The following PLA2G4F variants were observed in gnomAD, a reference collection of about 807,000 sequenced individuals.
The protein encoded by PLA2G4F is cytosolic phospholipase A2 zeta.
PLA2G4F carries 105 observed loss-of-function variants against 103.1 expected under a neutral mutation model. That is an observed-to-expected ratio of 1.02 (90% confidence interval 0.87 to 1.20). The LOEUF (loss-of-function observed/expected upper bound fraction) is 1.20, where lower values mean the gene tolerates loss of function less well. Ranked by LOEUF, PLA2G4F falls within the 50% of genes most tolerant of loss-of-function variation. The pLI, the probability that PLA2G4F is intolerant of heterozygous loss-of-function variation, is 0.00. For missense variants in PLA2G4F, 1,155 were observed against 1,075.9 expected, an observed-to-expected ratio of 1.07 and a Z score of -1.03; for synonymous variants, 468 against 441.1, an observed-to-expected ratio of 1.06 and a Z score of -0.76.
Position 42,147,926 on chromosome 15 carries a change from C to G in PLA2G4F, c.1060-164G>C, listed in dbSNP as rs112971502. The G allele has an allele frequency of 1.7e-3, 1,222 of 702,522 alleles. 17 individuals are homozygous for G. In the African/African-American group the frequency reaches 0.022, roughly 13 times the overall value. The allele number at this position is 702,522 out of a possible 1,614,324, so 43.5% of individuals were successfully genotyped here. On this transcript the variant is annotated intron_variant, in intron 11 of 19. Coordinates refer to ENST00000397272, the MANE Select transcript of PLA2G4F (RefSeq NM_213600.4). ...CCATTTTCAGCCAGGCACAGTGGCT[C>G]ACGCCTGTAATCCCAGCACTTCGGG...
Position 42,142,159 on chromosome 15 carries a change from A to T in PLA2G4F, c.2375T>A (p.Val792Asp), listed in dbSNP as rs778966730. 1 of 1,614,100 alleles carries T rather than the reference A, an allele frequency of 6.2e-7. No individual in the cohort carries two copies. Among genetic ancestry groups the T allele is most frequent in the Admixed American group, 1.7e-5 (1 of 60,014 alleles). ...TAEEKAFGDF[V>D]INRPDTPYGM... is the part of the protein sequence containing the mutation. Reference sequence around the variant, plus strand: ...ATAGGGGGTGTCTGGCCTGTTGATGACAAAGTCCCCAAAGGCCTTCTCCTC... The same window carrying T: ...ATAGGGGGTGTCTGGCCTGTTGATGTCAAAGTCCCCAAAGGCCTTCTCCTC... Residue 792 changes from valine to aspartate, a missense_variant, in exon 20 of 20, where the codon GTC becomes GAC. Transcript: ENST00000397272.
rs752722693 is a variant in PLA2G4F, at chr15:42,154,373, A to T, written c.270T>A (p.Ser90Arg). 6.2e-7 allele frequency: 1 copy of T among 1,612,134 alleles called. No homozygotes were observed. Among genetic ancestry groups the T allele is most frequent in the East Asian group, 2.2e-5 (1 of 44,820 alleles). ...GGAAGGTCTCATTCCACTCGGGGTC[A>T]CTGCAGTTGGCCACTATCCTAGTCT... ...PAQTRIVANC[S>R]DPEWNETFHY... The change falls in exon 3 of 20, where the codon AGT becomes AGA. Residue 90 changes from serine to arginine, a missense_variant. Around this residue, in one of 3 missense-constraint regions of PLA2G4F, gnomAD observed 370 missense variants for 364.9 expected, o/e 1.01. Coordinates refer to ENST00000397272, the MANE Select transcript of PLA2G4F (RefSeq NM_213600.4).
Position 42,150,184 on chromosome 15 carries a change from A to T in PLA2G4F, c.886-43T>A, listed in dbSNP as rs780516664. On this transcript the variant is annotated intron_variant, in intron 9 of 19. Coordinates refer to ENST00000397272, the MANE Select transcript of PLA2G4F (RefSeq NM_213600.4). ...CCCAACCCTGAGTTCTCTGGGCAGG[A>T]TTCTCCCAGGGAAATGGCTCCCCCA... is the stretch of plus-strand genomic sequence containing the variant. 11 of 1,612,896 alleles carry T rather than the reference A, an allele frequency of 6.8e-6. No homozygotes were observed. The East Asian group carries it at 2.5e-4, about 36-fold the overall frequency.
At chr15:42,143,487 T>TCCAGCAGCA (rs1157624446) in intron 18 of PLA2G4F, among the ~76,000 whole-genome samples, 1 of 152,130 alleles carries the variant, frequency 6.6e-6, no homozygotes. Context: ...GAAGGGCTGC[T>TCCAGCAGCA]CCAGCAGCAC....
chr15:42,147,987 G>A (rs1025447992), intron 11 of PLA2G4F, among the ~76,000 whole-genome samples: 5 of 152,120 alleles, frequency 3.3e-5, no homozygotes, highest in East Asian at 1.9e-4. Context: ...TCAGGAGATC[G>A]AGACCACGGT....
chr15:42,147,071 G>T, intron 13 of PLA2G4F, 53 bp downstream of exon 13: 2 of 1,507,484 alleles, frequency 1.3e-6, no homozygotes, highest in East Asian at 2.3e-5. Flanking sequence ...AGCAAGGGGC[G>T]GGTGGAAGGA....
At position 42,155,596 on chromosome 15, in the gene PLA2G4F, TAAC is replaced by T; in HGVS notation, c.112-10_112-8del. ...AGTATGGGTAGGTTTCCCGCTGCAATAACAGAACTCCAGGGACTCAGTCAGCTA... is the reference window on the plus strand; with the variant it reads ...AGTATGGGTAGGTTTCCCGCTGCAATAGAACTCCAGGGACTCAGTCAGCTA... On this transcript the variant is annotated splice_region_variant and splice_polypyrimidine_tract_variant and intron_variant, in intron 1 of 19. Coordinates refer to ENST00000397272, the MANE Select transcript of PLA2G4F (RefSeq NM_213600.4). 2 of 1,613,646 alleles carry T rather than the reference TAAC, an allele frequency of 1.2e-6. No homozygotes were observed. The highest frequency in any genetic ancestry group is 1.7e-6 in the Non-Finnish European group (2 of 1,179,592).
intron 7 of PLA2G4F, among the ~76,000 whole-genome samples, chr15:42,152,276 C>T (rs2048968685): frequency 6.6e-6 from 1 of 152,344 alleles, no homozygotes; most frequent in East Asian, 1.9e-4. Context: ...CAAGCGCTTA[C>T]TCAGTTGGGC....
At chr15:42,155,659 C>T (rs1483959082) in intron 1 of PLA2G4F, 70 bp from the exon 2 acceptor site, 18 of 1,497,492 alleles carry the variant, frequency 1.2e-5, no homozygotes, top group African/African-American at 1.1e-4. Flanking sequence ...TTGTTCCCCT[C>T]GTCCCATCAT....
chr15:42,150,265 C>T (rs1379596470), intron 9 of PLA2G4F, 108 bp downstream of exon 9: 3 of 1,541,536 alleles, frequency 1.9e-6, no homozygotes, highest in South Asian at 2.3e-5. Flanking sequence ...CATAACTGAC[C>T]TCTGGACTGA....
chr15:42,149,140 A>G (rs1020826963), intron 11 of PLA2G4F: 2 of 985,206 alleles, frequency 2.0e-6, no homozygotes, highest in African/African-American at 3.5e-5. Context: ...CATCCCTTTG[A>G]TCACATTACA....
chr15:42,151,206 C>G, intron 7 of PLA2G4F: 3 of 985,432 alleles, frequency 3.0e-6, no homozygotes, highest in Non-Finnish European at 3.6e-6. Flanking sequence ...AACCAGTAGG[C>G]TGCAAGTTGT....
intron 10 of PLA2G4F, 51 bp from the exon 11 acceptor site, chr15:42,149,899 G>A (rs1183299376): frequency 6.3e-7 from 1 of 1,594,094 alleles, no homozygotes; most frequent in East Asian, 2.2e-5. Context: ...TGACTGTCCA[G>A]TGGAGGAGAG....
chr15:42,143,455 C>T (rs1027721099), intron 18 of PLA2G4F, among the ~76,000 whole-genome samples: 2 of 152,126 alleles, frequency 1.3e-5, no homozygotes, highest in African/African-American at 4.8e-5. Flanking sequence ...TCACTGGACC[C>T]AGGACAAAGA....
rs529264548 is a variant in PLA2G4F, at chr15:42,144,529, G to A, written c.1896C>T (p.Ser632=). Residue 632 remains serine (S), a synonymous_variant, in exon 17 of 20, where the codon TCC becomes TCT. Coordinates refer to ENST00000397272, the MANE Select transcript of PLA2G4F (RefSeq NM_213600.4). ...VLDIFTSRFT[S]AQSFNFTRGL... is the part of the protein sequence containing the mutation. ...CCCGGGTGAAGTTAAAGCTCTGGGC[G>A]GAAGTGAAGCGGGAGGTGAATATGT... The A allele has an allele frequency of 5.6e-5, 91 of 1,612,772 alleles. No homozygotes were observed. The highest frequency in any genetic ancestry group is 5.2e-4 in the Admixed American group (31 of 60,022).
Position 42,154,295 on chromosome 15 carries a change from G to T in PLA2G4F, c.321+27C>A. The T allele has an allele frequency of 3.1e-6, 5 of 1,608,484 alleles. 1 individual carries two copies. Among genetic ancestry groups the T allele is most frequent in the Non-Finnish European group, 2.6e-6 (3 of 1,175,786 alleles). On this transcript the variant is annotated intron_variant, in intron 3 of 19. Transcript: ENST00000397272. Reference sequence around the variant, plus strand: ...TAGCTGCCTGAGGAGTTCCCCTCCCGCAGCCTGGCCCCTGGCTGGCCCTCA... The same window carrying T: ...TAGCTGCCTGAGGAGTTCCCCTCCCTCAGCCTGGCCCCTGGCTGGCCCTCA...
At chr15:42,142,842 G>T in intron 18 of PLA2G4F, 128 bp from the exon 19 acceptor site, 2 of 963,046 alleles carry the variant, frequency 2.1e-6, no homozygotes, top group Non-Finnish European at 3.1e-6. Flanking sequence ...TCAGGCAGGT[G>T]ACAGCTCCTT....
intron 11 of PLA2G4F, chr15:42,149,407 C>G: frequency 1.2e-6 from 1 of 856,062 alleles, no homozygotes; most frequent in Non-Finnish European, 1.4e-6. Flanking sequence ...CCAGCAGAAA[C>G]CAACCCTGAT....
chr15:42,153,977 G>C, intron 4 of PLA2G4F, 115 bp downstream of exon 4: 2 of 1,489,114 alleles, frequency 1.3e-6, no homozygotes, highest in South Asian at 2.6e-5. Flanking sequence ...CTGCGGGGTG[G>C]AGGAAGGTCT....
Sources: gnomAD v4.1 joint callset for allele counts (sites outside exome capture counted in the v4.1 genomes callset) on GRCh38, gnomAD v4.1.1 for gene constraint, gnomAD v4.1.1 regional missense constraint, MANE v1.5 for transcripts, NCBI Gene and HGNC (gene_info 2026-07-23, HGNC 2026-07-21) for gene names.